ADGRA1: variants seen among roughly 807,000 people sequenced by gnomAD.
The protein encoded by ADGRA1 is G-protein coupled receptor 123.
ADGRA1 carries 12 observed loss-of-function variants against 21.3 expected under a neutral mutation model. The ratio of observed to expected loss-of-function variants is 0.56; its 90% confidence interval spans 0.36 to 0.91. ADGRA1 has a LOEUF of 0.91. Ranked by LOEUF, ADGRA1 falls within the 40% of genes least tolerant of loss-of-function variation. The pLI is 0.01. For synonymous variants in ADGRA1, 385 were observed against 368.8 expected, an observed-to-expected ratio of 1.04 and a Z score of -0.50; for missense variants, 790 against 805.6, an observed-to-expected ratio of 0.98 and a Z score of 0.23.
intron 5 of ADGRA1, among the ~76,000 whole-genome samples, chr10:133,103,250 A>G (rs997870312): frequency 6.6e-6 from 1 of 152,160 alleles, no homozygotes; most frequent in South Asian, 2.1e-4. Flanking sequence ...GAGACCCTCT[A>G]TGCCCCGCAG....
intron 5 of ADGRA1, among the ~76,000 whole-genome samples, chr10:133,122,350 C>T (rs556976285): frequency 1.3e-4 from 20 of 152,334 alleles, no homozygotes; most frequent in Middle Eastern, 3.4e-3. Flanking sequence ...CGTGTCCCAG[C>T]GTGTGCTGAT....
intron 5 of ADGRA1, among the ~76,000 whole-genome samples, chr10:133,117,399 C>T (rs985253453): frequency 1.3e-5 from 2 of 152,238 alleles, no homozygotes; most frequent in African/African-American, 4.8e-5. Context: ...GACGGTGCAT[C>T]CAGCCTGGAG....
In ADGRA1 at chr10:133,129,137, G is replaced by A. The variant is rs776459895; in HGVS notation, c.1309G>A (p.Ala437Thr). 2 of 1,554,058 alleles carry A rather than the reference G, an allele frequency of 1.3e-6. No homozygotes were observed. Among genetic ancestry groups the A allele is most frequent in the Non-Finnish European group, 1.7e-6 (2 of 1,148,846 alleles). The change falls in exon 7 of 7, where the codon GCC becomes ACC. Residue 437 changes from alanine (A) to threonine (T), a missense_variant. Ala to Thr is a moderately conservative substitution (Grantham distance 58). Coordinates refer to ENST00000392607, the MANE Select transcript of ADGRA1 (RefSeq NM_001083909.3). ...SRHPAEEPEYAYHIPSSLDGS... is the reference protein window; with the variant it reads ...SRHPAEEPEYTYHIPSSLDGS... ...GCACCCAGCAGAGGAGCCCGAGTAC[G>A]CCTACCACATCCCATCCAGCCTGGA...
intron 2 of ADGRA1, among the ~76,000 whole-genome samples, chr10:133,095,467 C>G (rs1221749524): frequency 6.6e-6 from 1 of 152,232 alleles, no homozygotes; most frequent in Non-Finnish European, 1.5e-5. Flanking sequence ...TGCTGTCACT[C>G]CAGCTCTGCG....
intron 2 of ADGRA1, among the ~76,000 whole-genome samples, chr10:133,092,751 G>GGGAAGGAAGGAAGGAAGGA (rs1564842382): frequency 1.3e-5 from 1 of 77,588 alleles, no homozygotes; most frequent in African/African-American, 6.3e-5. Context: ...AATAGGGAGG[G>GGGAAGGAAGGAAGGAAGGA]AGGAAGGAAG....
At chr10:133,112,393 C>CGGGCTACGTCGGTTATTTGGGGTCTAT (rs1564850055) in intron 5 of ADGRA1, among the ~76,000 whole-genome samples, 1 of 132,988 alleles carries the variant, frequency 7.5e-6, no homozygotes. Flanking sequence ...TTGGGGTCTA[C>CGGGCTACGTCGGTTATTTGGGGTCTAT]GGGCCGCGTC....
At chr10:133,122,828 C>T (rs537605404) in intron 5 of ADGRA1, among the ~76,000 whole-genome samples, 19 of 143,798 alleles carry the variant, frequency 1.3e-4, no homozygotes, top group South Asian at 6.4e-4. Context: ...CAGGCACACG[C>T]GTCCCCAGGC....
At chr10:133,100,057 C>T (rs911912440) in intron 4 of ADGRA1, among the ~76,000 whole-genome samples, 2 of 152,228 alleles carry the variant, frequency 1.3e-5, no homozygotes, top group Non-Finnish European at 2.9e-5. Flanking sequence ...CAGGCTGGGA[C>T]GGGCCGGGCA....
At chr10:133,100,202 C>T (rs536789850) in intron 4 of ADGRA1, among the ~76,000 whole-genome samples, 15 of 152,354 alleles carry the variant, frequency 9.8e-5, no homozygotes, top group South Asian at 8.3e-4. Flanking sequence ...AGCATGGCCC[C>T]GGCGGAGGAG....
chr10:133,098,563 C>T (rs1443203747), intron 3 of ADGRA1, 77 bp from the exon 4 acceptor site: 15 of 1,522,700 alleles, frequency 9.9e-6, no homozygotes, highest in East Asian at 4.6e-5. Context: ...ACAGAGCCTG[C>T]GCCCCAGGGG....
chr10:133,121,865 G>A (rs953044431), intron 5 of ADGRA1, among the ~76,000 whole-genome samples: 1 of 147,160 alleles, frequency 6.8e-6, no homozygotes, highest in Non-Finnish European at 1.5e-5. Flanking sequence ...GTGAATGAGT[G>A]CCTGTGTGTG....
At chr10:133,121,029 C>T (rs1420326307) in intron 5 of ADGRA1, among the ~76,000 whole-genome samples, 1 of 152,186 alleles carries the variant, frequency 6.6e-6, no homozygotes, top group Non-Finnish European at 1.5e-5. Flanking sequence ...AGATGGGGAA[C>T]AGCCAACCCG....
At chr10:133,114,185 A>C (rs558586019) in intron 5 of ADGRA1, among the ~76,000 whole-genome samples, 1 of 152,278 alleles carries the variant, frequency 6.6e-6, no homozygotes, top group Non-Finnish European at 1.5e-5. Context: ...CCTGAGCAGG[A>C]GCAGAGGGCA....
chr10:133,097,770 TCC>T (rs1851713252), intron 3 of ADGRA1, among the ~76,000 whole-genome samples: 1 of 152,140 alleles, frequency 6.6e-6, no homozygotes, highest in African/African-American at 2.4e-5. Context: ...GAGGCCGAGG[TCC>T]CAGATCAAGG....
intron 5 of ADGRA1, among the ~76,000 whole-genome samples, chr10:133,122,834 CA>C (rs1852299149): frequency 2.6e-5 from 4 of 152,254 alleles, no homozygotes; most frequent in South Asian, 2.1e-4. Flanking sequence ...CACGCGTCCC[CA>C]GGCACACGCG....
chr10:133,097,308 G>A (rs980857745), intron 3 of ADGRA1, among the ~76,000 whole-genome samples: 8 of 152,216 alleles, frequency 5.3e-5, no homozygotes, highest in African/African-American at 1.4e-4. Context: ...CAGGGAAGCC[G>A]CGCCTGTCCA....
At position 133,128,671 on chromosome 10, in the gene ADGRA1, C is replaced by G; in HGVS notation, c.843C>G (p.His281Gln). The change falls in exon 7 of 7, where the codon CAC becomes CAG. Residue 281 changes from histidine (H) to glutamine (Q), a missense_variant. Physicochemically the swap from His to Gln is conservative, Grantham distance 24. Transcript: ENST00000392607. ...AFGALAVSQG[H>Q]FLDMVFSCLY... ...GGGCGCTGGCGGTGTCACAGGGCCA[C>G]TTCCTGGACATGGTCTTCAGCTGCC... 6.2e-7 allele frequency: 1 copy of G among 1,611,096 alleles called. No homozygotes were observed. The highest frequency in any genetic ancestry group is 2.2e-5 in the East Asian group (1 of 44,850).
chr10:133,111,241 C>G (rs1374260502), intron 5 of ADGRA1, among the ~76,000 whole-genome samples: 1 of 124,610 alleles, frequency 8.0e-6, no homozygotes, highest in Non-Finnish European at 1.6e-5. Flanking sequence ...CCTAATCCCA[C>G]CAGACAACCT....
In ADGRA1 at chr10:133,103,491, C is replaced by T. The variant is rs750597753; in HGVS notation, c.401+649C>T. The stretch of plus-strand genomic sequence containing the variant: ...GGACACTCGCCCTCCCCCGCCGCCC[C>T]GGCGGCCTGCACCAGCTGTTGGTCC... On this transcript the variant is annotated intron_variant, in intron 5 of 6. Transcript: ENST00000392607. Among the ~76,000 whole-genome samples the T allele has an allele frequency of 8.5e-5, 13 of 152,324 alleles. No individual in the cohort carries two copies. In the South Asian group the frequency reaches 1.4e-3, roughly 17 times the overall value.
Sources: allele counts gnomAD v4.1 joint callset (sites outside exome capture counted in the v4.1 genomes callset), GRCh38; gene constraint gnomAD v4.1.1; transcripts MANE v1.5; gene names NCBI Gene and HGNC (gene_info 2026-07-23, HGNC 2026-07-21).